TJP1: variants seen among roughly 807,000 people sequenced by gnomAD.
TJP1 encodes tight junction protein ZO-1.
In TJP1, 43 loss-of-function variants were observed where a neutral mutation model predicts 194.2. That is an observed-to-expected ratio of 0.22 (90% CI 0.17 to 0.29). TJP1 has a LOEUF of 0.29. Among genes scored for constraint, TJP1 ranks in the 10% least tolerant of loss-of-function variants. The pLI is 1.00. For synonymous variants in TJP1, 801 were observed against 779.0 expected (o/e 1.03, Z -0.47); for missense variants, 1,971 against 2,185.7 (o/e 0.90, Z 1.96).
intron 2 of TJP1, among the ~76,000 whole-genome samples, chr15:29,900,819 A>AT (rs2053611902): frequency 6.6e-6 from 1 of 152,178 alleles, no homozygotes; most frequent in African/African-American, 2.4e-5. Flanking sequence ...AAATACAAAC[A>AT]TGAGTAAGTG....
chr15:29,818,398 C>T (rs994312400), intron 1 of TJP1, among the ~76,000 whole-genome samples: 2 of 152,244 alleles, frequency 1.3e-5, no homozygotes, highest in Admixed American at 6.5e-5. Context: ...GAGAACCACC[C>T]TAATTCTTGT....
chr15:29,862,653 T>C (rs1222742135), intron 2 of TJP1, among the ~76,000 whole-genome samples: 43 of 145,980 alleles, frequency 2.9e-4, no homozygotes, highest in African/African-American at 8.3e-4. Flanking sequence ...TTTTCTTTTT[T>C]TTTTTTTTTT....
At chr15:29,886,697 T>C (rs967551752) in intron 2 of TJP1, among the ~76,000 whole-genome samples, 17 of 150,558 alleles carry the variant, frequency 1.1e-4, no homozygotes, top group Non-Finnish European at 2.2e-4. Context: ...AAACACAAAC[T>C]ATAAAATAAG....
At chr15:29,903,625 T>C (rs915387688) in intron 2 of TJP1, among the ~76,000 whole-genome samples, 2 of 152,096 alleles carry the variant, frequency 1.3e-5, no homozygotes, top group Non-Finnish European at 2.9e-5. Flanking sequence ...TTTGTATTTT[T>C]AGTAGAGACG....
intron 2 of TJP1, among the ~76,000 whole-genome samples, chr15:29,938,202 T>A (rs2054946954): frequency 6.6e-6 from 1 of 152,248 alleles, no homozygotes; most frequent in African/African-American, 2.4e-5. Flanking sequence ...TATGGGAAGG[T>A]CGGTGACTGA....
At chr15:29,948,029 G>C (rs1363004951) in intron 2 of TJP1, among the ~76,000 whole-genome samples, 2 of 152,186 alleles carry the variant, frequency 1.3e-5, no homozygotes, top group Admixed American at 1.3e-4. Flanking sequence ...CACTTTGGGA[G>C]GCCAAGGTGG....
At chr15:29,858,478 G>A in intron 2 of TJP1, among the ~76,000 whole-genome samples, 1 of 152,210 alleles carries the variant, frequency 6.6e-6, no homozygotes, top group East Asian at 1.9e-4. Flanking sequence ...TCCCTAGTAT[G>A]TGCCAGGCAC....
At chr15:29,907,887 GA>G (rs2053870017) in intron 2 of TJP1, among the ~76,000 whole-genome samples, 3 of 151,678 alleles carry the variant, frequency 2.0e-5, no homozygotes, top group African/African-American at 7.3e-5. Flanking sequence ...AAGTTCCTCA[GA>G]ATTTTCAACC....
intron 8 of TJP1, among the ~76,000 whole-genome samples, chr15:29,748,939 TGTGTGTGTGTGTGTGCGC>T (rs1439160441): frequency 8.3e-5 from 3 of 36,100 alleles, no homozygotes; most frequent in East Asian, 1.0e-3. Flanking sequence ...TGTGTGTGTG[TGTGTGTGTGTGTGTGCGC>T]GTGTGTGCGC....
At chr15:29,707,186 T>A (rs1406027543) in intron 25 of TJP1, among the ~76,000 whole-genome samples, 2 of 152,038 alleles carry the variant, frequency 1.3e-5, no homozygotes, top group Admixed American at 1.3e-4. Flanking sequence ...AGACAGTAGA[T>A]TAACTTAGTA....
rs760418668 is a variant in TJP1 at position 29,718,484 on chromosome 15, C to G, written c.3658G>C (p.Ala1220Pro). The G allele has an allele frequency of 6.2e-7, 1 of 1,614,044 alleles. No homozygotes were observed. Among genetic ancestry groups the G allele is most frequent in the African/African-American group, 1.3e-5 (1 of 74,898 alleles). Residue 1220 changes from alanine (A) to proline (P), a missense_variant, in exon 21 of 28, where the codon GCT becomes CCT. Physicochemically the swap from Ala to Pro is conservative, Grantham distance 27. Around this residue, in one of 5 missense-constraint regions of TJP1, gnomAD observed 1,108 missense variants for 1,128.5 expected, o/e 0.98. Coordinates refer to ENST00000614355, the MANE Select transcript of TJP1 (RefSeq NM_001330239.4). ...RAGHFEPLHGAAAVPPLIPSS... is the reference protein window; with the variant it reads ...RAGHFEPLHGPAAVPPLIPSS... ...GGTATCAGCGGAGGGACAGCTGCAG[C>G]ACCATGGAGAGGCTCAAAATGACCT...
At chr15:29,716,865 A>G (rs2151097295) in intron 22 of TJP1, 27 bp from the exon 23 acceptor site, 2 of 1,547,230 alleles carry the variant, frequency 1.3e-6, no homozygotes, top group East Asian at 4.5e-5. Context: ...GACAAACGGA[A>G]CACCTTTTTA....
intron 8 of TJP1, among the ~76,000 whole-genome samples, chr15:29,749,294 C>T (rs1387718591): frequency 6.6e-6 from 1 of 152,120 alleles, no homozygotes; most frequent in African/African-American, 2.4e-5. Context: ...TTTTATAGGT[C>T]ACATGAACGG....
rs774772412 is a variant in TJP1, at chr15:29,718,018, C to T, written c.3974+3G>A. On this transcript the variant is annotated splice_donor_region_variant and intron_variant, in intron 22 of 27. Coordinates refer to ENST00000614355, the MANE Select transcript of TJP1 (RefSeq NM_001330239.4). ...TGCCACAAAGAGCACAAAGTGTACT[C>T]ACCTGTACAGAGTTTTGTCATGTTC... 1.2e-6 allele frequency: 2 copies of T among 1,608,008 alleles called. No individual in the cohort carries two copies. The highest frequency in any genetic ancestry group is 1.7e-6 in the Non-Finnish European group (2 of 1,177,874).
intron 2 of TJP1, among the ~76,000 whole-genome samples, chr15:29,897,579 C>T (rs993497446): frequency 2.6e-5 from 4 of 152,140 alleles, no homozygotes; most frequent in Non-Finnish European, 5.9e-5. Context: ...CCACCAACAG[C>T]GTGCACCATG....
intron 15 of TJP1, among the ~76,000 whole-genome samples, chr15:29,730,515 T>C (rs1366788057): frequency 4.6e-5 from 7 of 151,632 alleles, no homozygotes; most frequent in African/African-American, 1.5e-4. Flanking sequence ...GTGGACTGCT[T>C]GAACCCATGA....
chr15:29,710,024 T>C lies in TJP1; in HGVS notation c.4372+807A>G, dbSNP rs144091394. On this transcript the variant is annotated intron_variant, in intron 24 of 27. Transcript: ENST00000614355. Reference sequence around the variant, plus strand: ...AGCCGGGCGTGGTGGTGTGCGCCTATAGTCCCAGCTACTCAGGAGGCTGAG... The same window carrying C: ...AGCCGGGCGTGGTGGTGTGCGCCTACAGTCCCAGCTACTCAGGAGGCTGAG... Among the ~76,000 whole-genome samples the C allele has an allele frequency of 3.3e-3, 501 of 152,126 alleles. 4 individuals are homozygous for C. Among genetic ancestry groups the C allele is most frequent in the African/African-American group, 0.011 (461 of 41,472 alleles).
intron 2 of TJP1, among the ~76,000 whole-genome samples, chr15:29,798,407 C>T (rs1417376064): frequency 1.3e-5 from 2 of 151,902 alleles, no homozygotes; most frequent in African/African-American, 4.8e-5. Context: ...CTTACCAGTT[C>T]GGCACCCATA....
chr15:29,952,637 TTAAAAG>T (rs1415946947), intron 2 of TJP1, among the ~76,000 whole-genome samples: 1 of 152,126 alleles, frequency 6.6e-6, no homozygotes, highest in African/African-American at 2.4e-5. Flanking sequence ...TTTGGAAAAA[TTAAAAG>T]TAAAATATAA....
Sources: allele counts gnomAD v4.1 joint callset (sites outside exome capture counted in the v4.1 genomes callset), GRCh38; gene constraint gnomAD v4.1.1; regional missense constraint gnomAD v4.1.1; transcripts MANE v1.5; gene names NCBI Gene and HGNC (gene_info 2026-07-23, HGNC 2026-07-21).